MAP3K7CL: variants seen among roughly 807,000 people sequenced by gnomAD.
MAP3K7CL encodes MAP3K7 C-terminal-like protein.
Under a neutral mutation model 18.6 loss-of-function variants are expected in MAP3K7CL, and 16 were observed. The ratio of observed to expected loss-of-function variants is 0.86; its 90% CI spans 0.58 to 1.31. The LOEUF (loss-of-function observed/expected upper bound fraction) is 1.31. Among genes scored for constraint, MAP3K7CL ranks in the 50% most tolerant of loss-of-function variants. The pLI is 0.00. For synonymous variants in MAP3K7CL, 65 were observed against 66.8 expected, an observed-to-expected ratio of 0.97 and a Z score of 0.13; for missense variants, 163 against 174.4, an observed-to-expected ratio of 0.93 and a Z score of 0.37.
chr21:29,160,737 G>T lies in MAP3K7CL; in HGVS notation c.248+681G>T, dbSNP rs2087526650. Among the ~76,000 whole-genome samples the T allele has an allele frequency of 2.0e-5, 3 of 152,148 alleles. No homozygotes were observed. The South Asian group carries it at 6.2e-4, about 32-fold the overall frequency. ...GTTGGGATTTCCCATTTATTAACGAGATATCTTGATTACTAGGATCTTTTG... is the reference window on the plus strand; with the variant it reads ...GTTGGGATTTCCCATTTATTAACGATATATCTTGATTACTAGGATCTTTTG... On this transcript the variant is annotated intron_variant, in intron 4 of 4. Coordinates refer to ENST00000399928, the MANE Select transcript of MAP3K7CL (RefSeq NM_001286620.2).
intron 3 of MAP3K7CL, chr21:29,091,860 T>C: frequency 4.9e-6 from 3 of 616,476 alleles, no homozygotes; most frequent in Non-Finnish European, 8.7e-6. Context: ...GTATTAATTG[T>C]TTATACATAT....
Position 29,147,959 on chromosome 21 carries a change from TTA to T in MAP3K7CL, c.71-1224_71-1223del, listed in dbSNP as rs561898744. Among the ~76,000 whole-genome samples, 893 of 152,002 alleles carry T rather than the reference TTA, an allele frequency of 5.9e-3. 5 individuals are homozygous for T. The highest frequency in any genetic ancestry group is 1.0e-2 in the Non-Finnish European group (677 of 67,886). Reference sequence around the variant, plus strand: ...ATCTGTACTGTATCTCTATTATATATTATATATGTTTGTGTATGTGCATGTGT... The same window carrying T: ...ATCTGTACTGTATCTCTATTATATATTATATGTTTGTGTATGTGCATGTGT... On this transcript the variant is annotated intron_variant, in intron 2 of 4. Transcript: ENST00000399928.
intron 4 of MAP3K7CL, among the ~76,000 whole-genome samples, chr21:29,171,806 C>CAAAAAA (rs34411156): frequency 1.2e-4 from 10 of 83,160 alleles, no homozygotes; most frequent in Admixed American, 2.7e-4. Flanking sequence ...GACTCCATCT[C>CAAAAAA]AAAAAAAAAA....
intron 3 of MAP3K7CL, among the ~76,000 whole-genome samples, chr21:29,159,183 C>A (rs977009530): frequency 6.6e-6 from 1 of 152,064 alleles, no homozygotes; most frequent in Non-Finnish European, 1.5e-5. Flanking sequence ...AAAAGTAGTA[C>A]TTTTAATCAC....
chr21:29,131,296 G>C (rs949919154), intron 1 of MAP3K7CL: 3 of 152,218 alleles, frequency 2.0e-5, no homozygotes, highest in African/African-American at 7.2e-5. Context: ...AGTGTTGGGG[G>C]ATTTAGCCAA....
chr21:29,106,787 A>G (rs1290567477), intron 4 of MAP3K7CL, among the ~76,000 whole-genome samples: 1 of 152,150 alleles, frequency 6.6e-6, no homozygotes, highest in Non-Finnish European at 1.5e-5. Flanking sequence ...ACAGAGCCTC[A>G]TGTGGCCAAG....
intron 4 of MAP3K7CL, among the ~76,000 whole-genome samples, chr21:29,102,828 T>A (rs1425010422): frequency 6.6e-6 from 1 of 152,178 alleles, no homozygotes; most frequent in Non-Finnish European, 1.5e-5. Flanking sequence ...AGCTGCCATG[T>A]GGTGAGGGCA....
At chr21:29,120,668 C>T (rs1185349052) in intron 4 of MAP3K7CL, among the ~76,000 whole-genome samples, 1 of 116,258 alleles carries the variant, frequency 8.6e-6, no homozygotes, top group Non-Finnish European at 2.0e-5. Context: ...TTCTTTCTTT[C>T]TTTTTCTTTC....
At chr21:29,145,173 C>T (rs558223789) in intron 2 of MAP3K7CL, among the ~76,000 whole-genome samples, 8 of 151,558 alleles carry the variant, frequency 5.3e-5, no homozygotes, top group African/African-American at 9.7e-5. Context: ...TGCCAATTTG[C>T]GTAAGTCTGA....
chr21:29,097,787 T>A (rs2086149251), intron 4 of MAP3K7CL, among the ~76,000 whole-genome samples: 1 of 152,152 alleles, frequency 6.6e-6, no homozygotes, highest in Admixed American at 6.6e-5. Flanking sequence ...ATATTGGGAT[T>A]AATAGAAGTA....
rs73354815 is a variant in MAP3K7CL at position 29,175,136 on chromosome 21, A to G, written c.*244A>G. On this transcript the variant is annotated 3_prime_UTR_variant, in exon 5 of 5. Transcript: ENST00000399928. ...TGGAGATCAGAATTCTTTTCCAAAG[A>G]TATATGTTTTTTTCTTTTTTAGGAA... is the stretch of plus-strand genomic sequence containing the variant. 0.01 allele frequency: 3,589 copies of G among 354,898 alleles called. 128 individuals carry two copies. Among genetic ancestry groups the G allele is most frequent in the African/African-American group, 0.069 (3,291 of 47,540 alleles). The allele number at this position is 354,898 out of a possible 1,614,324, so 22.0% of individuals were successfully genotyped here.
intron 4 of MAP3K7CL, among the ~76,000 whole-genome samples, chr21:29,100,476 A>G (rs1012784279): frequency 6.6e-6 from 1 of 152,188 alleles, no homozygotes; most frequent in African/African-American, 2.4e-5. Flanking sequence ...TTTCAGAGCC[A>G]CACTGGATTT....
At chr21:29,082,314 G>A (rs1409058997), upstream of MAP3K7CL, among the ~76,000 whole-genome samples, 3 of 152,184 alleles carry the variant, frequency 2.0e-5, no homozygotes, top group African/African-American at 7.2e-5. Flanking sequence ...TAAAACAACA[G>A]CTACTTCTTA....
At chr21:29,090,494 C>G (rs374827007) in intron 1 of MAP3K7CL, among the ~76,000 whole-genome samples, 1 of 152,124 alleles carries the variant, frequency 6.6e-6, no homozygotes, top group East Asian at 1.9e-4. Flanking sequence ...CATTCTCCTG[C>G]CTCAGCCTCC....
chr21:29,174,822 C>T lies in MAP3K7CL; in HGVS notation c.359C>T (p.Ala120Val). 1 of 1,614,056 alleles carries T rather than the reference C, an allele frequency of 6.2e-7. No individual in the cohort carries two copies. Among genetic ancestry groups the T allele is most frequent in the Non-Finnish European group, 8.5e-7 (1 of 1,179,988 alleles). ...LTEENRTLRL[A>V]QSQCVEQLEK... ...GAGGAGAATCGGACGTTGAGGTTGGCCCAGTCTCAATGTGTGGAACAACTG... is the reference window on the plus strand; with the variant it reads ...GAGGAGAATCGGACGTTGAGGTTGGTCCAGTCTCAATGTGTGGAACAACTG... Residue 120 changes from alanine to valine, a missense_variant, in exon 5 of 5, where the codon GCC (alanine) becomes GTC (valine). Coordinates refer to ENST00000399928, the MANE Select transcript of MAP3K7CL (RefSeq NM_001286620.2).
upstream of MAP3K7CL, chr21:29,077,448 C>G (rs2085767365): frequency 6.5e-6 from 1 of 153,230 alleles, no homozygotes; most frequent in African/African-American, 2.4e-5. Context: ...ACCCGGAACT[C>G]ACGCTGGCCC....
At chr21:29,114,446 A>T (rs11700687) in intron 4 of MAP3K7CL, among the ~76,000 whole-genome samples, 1 of 151,998 alleles carries the variant, frequency 6.6e-6, no homozygotes, top group East Asian at 1.9e-4. Flanking sequence ...GCTGGAGGAC[A>T]GTGGTGCAAT....
At chr21:29,155,923 A>T (rs16983792) in intron 3 of MAP3K7CL, among the ~76,000 whole-genome samples, 21,236 of 152,156 alleles carry the variant, frequency 0.14, 2,442 homozygotes, top group African/African-American at 0.31. Context: ...TGTATAGTAA[A>T]CCAGATACGA....
chr21:29,112,765 A>G (rs2086440630), intron 4 of MAP3K7CL, among the ~76,000 whole-genome samples: 1 of 152,120 alleles, frequency 6.6e-6, no homozygotes, highest in African/African-American at 2.4e-5. Context: ...CCTCCATCAG[A>G]ATACATTTCT....
Sources: gnomAD v4.1 joint callset for allele counts (sites outside exome capture counted in the v4.1 genomes callset) on GRCh38, gnomAD v4.1.1 for gene constraint, MANE v1.5 for transcripts, NCBI Gene and HGNC (gene_info 2026-07-23, HGNC 2026-07-21) for gene names.